Variants in CAMK2D observed in about 807,000 individuals in gnomAD.
CAMK2D encodes calcium/calmodulin-dependent protein kinase type II subunit delta.
CAMK2D carries 37 observed loss-of-function variants against 84.0 expected under a neutral mutation model. The observed-to-expected ratio is 0.44, with a 90% CI of 0.34 to 0.58. The LOEUF (loss-of-function observed/expected upper bound fraction) is 0.58. Ranked by LOEUF, CAMK2D falls within the 20% of genes least tolerant of loss-of-function variation. CAMK2D has a pLI of 0.02. For missense variants in CAMK2D, 448 were observed against 652.5 expected (o/e 0.69, Z 3.41); for synonymous variants, 202 against 212.5 (o/e 0.95, Z 0.43).
intron 2 of CAMK2D, among the ~76,000 whole-genome samples, chr4:113,738,210 A>G (rs2099585621): frequency 6.6e-6 from 1 of 151,642 alleles, no homozygotes. Context: ...GTTCTTTGAA[A>G]AAAAAAAAAA....
At chr4:113,507,860 T>G (rs1482429961) in intron 13 of CAMK2D, among the ~76,000 whole-genome samples, 2 of 152,190 alleles carry the variant, frequency 1.3e-5, no homozygotes, top group Non-Finnish European at 2.9e-5. Flanking sequence ...GTGAATGTAT[T>G]ATGGTGTCCT....
At chr4:113,597,712 T>C (rs1277137405) in intron 4 of CAMK2D, among the ~76,000 whole-genome samples, 1 of 152,258 alleles carries the variant, frequency 6.6e-6, no homozygotes, top group Non-Finnish European at 1.5e-5. Context: ...CTCAGCTAAC[T>C]GGCGCACAGG....
At chr4:113,571,953 C>T (rs953293583) in intron 4 of CAMK2D, among the ~76,000 whole-genome samples, 18 of 152,068 alleles carry the variant, frequency 1.2e-4, no homozygotes, top group African/African-American at 2.7e-4. Flanking sequence ...AACATACTCT[C>T]GAAAAACTTC....
intron 5 of CAMK2D, 83 bp from the exon 6 acceptor site, chr4:113,547,799 T>C (rs765385776): frequency 2.4e-4 from 198 of 826,796 alleles, no homozygotes; most frequent in Non-Finnish European, 3.4e-4. Context: ...TGGGTTAAAG[T>C]GCAGAGCTAG....
chr4:113,535,254 C>T lies in CAMK2D; in HGVS notation c.517+2087G>A, dbSNP rs2098481840. On this transcript the variant is annotated intron_variant, in intron 7 of 20. Transcript: ENST00000511664. ...AGGACTCGAGTCCTGTCTTTGAACC[C>T]AATGTCTGGGACTTTCATGTTTCCT... 1.3e-5 allele frequency among the ~76,000 whole-genome samples: 2 copies of T among 152,102 alleles called. 1 individual carries two copies. The highest frequency in any genetic ancestry group is 4.1e-4 in the South Asian group (2 of 4,822).
intron 16 of CAMK2D, among the ~76,000 whole-genome samples, chr4:113,469,442 C>T (rs1025524529): frequency 1.3e-5 from 2 of 152,202 alleles, no homozygotes; most frequent in African/African-American, 4.8e-5. Flanking sequence ...CCTTCTCTAC[C>T]TGGATATTAA....
intron 4 of CAMK2D, among the ~76,000 whole-genome samples, chr4:113,570,874 A>G (rs953569035): frequency 6.6e-6 from 1 of 152,204 alleles, no homozygotes; most frequent in Non-Finnish European, 1.5e-5. Context: ...AGAGAATGAG[A>G]GAATATATTT....
At chr4:113,612,276 C>G (rs1377414923) in intron 3 of CAMK2D, among the ~76,000 whole-genome samples, 1 of 152,166 alleles carries the variant, frequency 6.6e-6, no homozygotes. Flanking sequence ...TCTCTTCAAG[C>G]CTTTTCTGTT....
chr4:113,721,123 GA>G, intron 2 of CAMK2D, among the ~76,000 whole-genome samples: 2 of 152,098 alleles, frequency 1.3e-5, no homozygotes, highest in Middle Eastern at 3.4e-3. Flanking sequence ...AGTCAGGAAG[GA>G]ATAAACCTAG....
chr4:113,517,791 A>G (rs906423145), intron 8 of CAMK2D, 134 bp from the exon 9 acceptor site: 1 of 549,288 alleles, frequency 1.8e-6, no homozygotes, highest in African/African-American at 1.9e-5. Flanking sequence ...CTTCAGAAAG[A>G]TGTGTTATGA....
chr4:113,741,811 T>C (rs951202526), intron 2 of CAMK2D, among the ~76,000 whole-genome samples: 2 of 152,134 alleles, frequency 1.3e-5, no homozygotes, highest in African/African-American at 4.8e-5. Flanking sequence ...CTTCTCTCCT[T>C]GCTAATTACA....
At chr4:113,483,070 C>T (rs1184241939) in intron 16 of CAMK2D, among the ~76,000 whole-genome samples, 1 of 152,104 alleles carries the variant, frequency 6.6e-6, no homozygotes, top group Non-Finnish European at 1.5e-5. Flanking sequence ...ATAGTTTATC[C>T]ACTCATGTAC....
chr4:113,720,286 C>T (rs2099526443), intron 2 of CAMK2D, among the ~76,000 whole-genome samples: 1 of 151,760 alleles, frequency 6.6e-6, no homozygotes. Context: ...ATTTAAGTTG[C>T]ATTTTTAAAA....
At chr4:113,472,294 T>C (rs1189612773) in intron 16 of CAMK2D, among the ~76,000 whole-genome samples, 2 of 152,158 alleles carry the variant, frequency 1.3e-5, no homozygotes, top group Admixed American at 6.5e-5. Flanking sequence ...TTTAAATCAC[T>C]AGATAAATGC....
intron 16 of CAMK2D, among the ~76,000 whole-genome samples, chr4:113,466,477 T>G (rs2154113288): frequency 6.6e-6 from 1 of 152,238 alleles, no homozygotes; most frequent in South Asian, 2.1e-4. Flanking sequence ...ATTATTTGCA[T>G]TTTCTCACTT....
intron 3 of CAMK2D, among the ~76,000 whole-genome samples, chr4:113,632,117 G>A (rs972094369): frequency 6.6e-5 from 10 of 152,182 alleles, no homozygotes; most frequent in African/African-American, 2.4e-4. Flanking sequence ...CCTATATGAT[G>A]TGAATAGAGA....
intron 4 of CAMK2D, among the ~76,000 whole-genome samples, chr4:113,580,745 A>T (rs2098804275): frequency 6.6e-6 from 1 of 152,150 alleles, no homozygotes; most frequent in South Asian, 2.1e-4. Context: ...TCATAAGATT[A>T]TCAGGATTAA....
At chr4:113,677,132 A>G (rs575009730) in intron 2 of CAMK2D, among the ~76,000 whole-genome samples, 1 of 152,284 alleles carries the variant, frequency 6.6e-6, no homozygotes, top group East Asian at 1.9e-4. Context: ...ATGTCTGTCT[A>G]TTCATTCTTT....
At chr4:113,616,438 T>C (rs1337459841) in intron 3 of CAMK2D, among the ~76,000 whole-genome samples, 1 of 152,160 alleles carries the variant, frequency 6.6e-6, no homozygotes, top group Non-Finnish European at 1.5e-5. Context: ...ATCAGATTAG[T>C]ATAATAGCAT....
Sources: allele counts gnomAD v4.1 joint callset (sites outside exome capture counted in the v4.1 genomes callset), GRCh38; gene constraint gnomAD v4.1.1; transcripts MANE v1.5; gene names NCBI Gene and HGNC (gene_info 2026-07-23, HGNC 2026-07-21).